The following COL18A1 variants were observed in gnomAD, a reference collection of about 807,000 sequenced individuals.
COL18A1 encodes collagen type XVIII alpha 1 chain.
Under a neutral mutation model 168.0 loss-of-function variants are expected in COL18A1, and 133 were observed. That is an observed-to-expected ratio of 0.79 (90% confidence interval 0.69 to 0.91). The LOEUF (loss-of-function observed/expected upper bound fraction) is 0.91. Ranked by LOEUF, COL18A1 falls within the 40% of genes least tolerant of loss-of-function variation. The pLI is 0.00. For missense variants in COL18A1, 2,126 were observed against 1,925.4 expected, an observed-to-expected ratio of 1.10 and a Z score of -1.95; for synonymous variants, 949 against 809.0, an observed-to-expected ratio of 1.17 and a Z score of -2.94.
At chr21:45,459,304 A>G (rs1380699102) in intron 2 of COL18A1, among the ~76,000 whole-genome samples, 1 of 151,894 alleles carries the variant, frequency 6.6e-6, no homozygotes, top group East Asian at 1.9e-4. Flanking sequence ...GAGGAGGGGG[A>G]GCCCAGCCTG....
Position 45,437,702 on chromosome 21 carries a change from ACACT to A in COL18A1, c.107-30537_107-30534del, listed in dbSNP as rs1320134521. Among the ~76,000 whole-genome samples the A allele has an allele frequency of 3.4e-4, 24 of 71,346 alleles. 4 individuals carry two copies. Among genetic ancestry groups the A allele is most frequent in the Admixed American group, 6.0e-4 (5 of 8,358 alleles). 46.8% of individuals were successfully genotyped at this position (71,346 alleles called of 152,430 possible). On this transcript the variant is annotated intron_variant, in intron 2 of 41. Coordinates refer to ENST00000651438, the MANE Select transcript of COL18A1 (RefSeq NM_001379500.1). The stretch of plus-strand genomic sequence containing the variant: ...GGCACTCTCCTGCACACACACACAC[ACACT>A]CAGACACACAGGCACTCTCCTGCAC...
chr21:45,468,991 C>T (rs1159724158), intron 3 of COL18A1, among the ~76,000 whole-genome samples: 6 of 152,314 alleles, frequency 3.9e-5, no homozygotes, highest in South Asian at 2.1e-4. Context: ...GGTTCTTGGC[C>T]GGCCTGGCTG....
chr21:45,491,013 G>T (rs1021598822), intron 21 of COL18A1, 142 bp downstream of exon 21: 19 of 920,556 alleles, frequency 2.1e-5, no homozygotes, highest in African/African-American at 1.2e-4. Flanking sequence ...GTTGACAGGG[G>T]TGGCTTTCAG....
intron 33 of COL18A1, 154 bp downstream of exon 33, chr21:45,504,208 A>G (rs556719465): frequency 2.1e-6 from 2 of 967,102 alleles, no homozygotes; most frequent in South Asian, 2.7e-5. Flanking sequence ...GGCGTCCCTC[A>G]GGATGTTCCT....
intron 2 of COL18A1, among the ~76,000 whole-genome samples, chr21:45,428,676 C>T (rs975525097): frequency 3.9e-5 from 6 of 152,080 alleles, no homozygotes; most frequent in Admixed American, 6.6e-5. Flanking sequence ...TCTGGATCGG[C>T]GGTTCTGGAC....
intron 2 of COL18A1, among the ~76,000 whole-genome samples, chr21:45,449,011 TC>T (rs2034563847): frequency 6.6e-6 from 1 of 152,208 alleles, no homozygotes; most frequent in African/African-American, 2.4e-5. Flanking sequence ...CTGTGTGTCC[TC>T]CCCGTGGCCT....
rs1267398129 is a variant in COL18A1, at chr21:45,507,406, ACAGGCTTGGAGGGG to A, written c.3217-150_3217-137del. 3.2e-5 allele frequency: 17 copies of A among 532,812 alleles called. No homozygotes were observed. In the East Asian group the frequency reaches 9.3e-4, roughly 29 times the overall value. 33.0% of individuals were successfully genotyped at this position (532,812 alleles called of 1,614,324 possible). ...TGCTGGGCAGGGAGCGTACCCTGGC[ACAGGCTTGGAGGGG>A]CAGGTGCTGGGCAGGGAGGGCACCC... is the stretch of plus-strand genomic sequence containing the variant. On this transcript the variant is annotated intron_variant, in intron 37 of 41. Transcript: ENST00000651438.
chr21:45,424,016 C>T (rs76241995), intron 2 of COL18A1: 4,963 of 152,400 alleles, frequency 0.033, 292 homozygotes, highest in East Asian at 0.19. Context: ...GTCCTGCAGA[C>T]GGAGCCGGGC....
intron 7 of COL18A1, 125 bp from the exon 8 acceptor site, chr21:45,477,625 G>T (rs572578376): frequency 8.0e-7 from 1 of 1,254,048 alleles, no homozygotes; most frequent in Non-Finnish European, 1.1e-6. Context: ...GCCAGCATGC[G>T]TCCACCCTGC....
chr21:45,505,482 T>C, intron 36 of COL18A1, 51 bp downstream of exon 36: 1 of 951,428 alleles, frequency 1.1e-6, no homozygotes, highest in South Asian at 1.4e-5. Context: ...CCCTGGCTGG[T>C]TCTGCAGCCC....
rs1023279735 is a variant in COL18A1 at position 45,504,489 on chromosome 21, G to T, written c.2801G>T (p.Gly934Val). Residue 934 changes from glycine to valine, a missense_variant, in exon 34 of 42, where the codon GGC becomes GTC. By Grantham distance (109) the Gly-to-Val change is moderately radical. Coordinates refer to ENST00000651438, the MANE Select transcript of COL18A1 (RefSeq NM_001379500.1). ...RGEPGGGGFF[G>V]SSLPGPPGPP... ...GAGCCCGGGGGCGGCGGTTTCTTCG[G>T]CTCCAGCCTGCCCGGCCCCCCCGGC... 1 of 1,578,580 alleles carries T rather than the reference G, an allele frequency of 6.3e-7. No homozygotes were observed. The highest frequency in any genetic ancestry group is 8.6e-7 in the Non-Finnish European group (1 of 1,169,116).
rs774411955 is a variant in COL18A1 at position 45,477,954 on chromosome 21, G to A, written c.1210G>A (p.Asp404Asn). 1.3e-6 allele frequency: 2 copies of A among 1,530,580 alleles called. No individual in the cohort carries two copies. The highest frequency in any genetic ancestry group is 1.8e-6 in the Non-Finnish European group (2 of 1,127,638). 94.8% of individuals were successfully genotyped at this position (1,530,580 alleles called of 1,614,324 possible). A position where few individuals can be genotyped will look rare whatever the true frequency, so the allele number is the denominator to read the frequency against. Residue 404 changes from aspartate (D) to asparagine (N), a missense_variant, in exon 8 of 42, where the codon GAC becomes AAC. Transcript: ENST00000651438. Reference protein sequence around the residue: ...PPGRDGTPGRDGEPGDPGEDG... With the variant: ...PPGRDGTPGRNGEPGDPGEDG... ...GGGGAGGGACGGCACCCCTGGAAGG[G>A]ACGGCGAGCCGGTGAGTCCTCACGT...
chr21:45,481,638 T>C (rs2035898906), intron 13 of COL18A1, among the ~76,000 whole-genome samples: 2 of 152,250 alleles, frequency 1.3e-5, no homozygotes, highest in Non-Finnish European at 1.5e-5. Context: ...GAATTTGGGC[T>C]TAAAGAACAT....
intron 32 of COL18A1, chr21:45,497,947 G>A (rs2036597819): frequency 1.7e-6 from 1 of 604,344 alleles, no homozygotes; most frequent in Non-Finnish European, 2.9e-6. Flanking sequence ...GCACTGCGCA[G>A]AGACACAGCA....
At chr21:45,456,042 G>T in intron 2 of COL18A1, 1 of 1,608,408 alleles carries the variant, frequency 6.2e-7, no homozygotes, top group Middle Eastern at 1.7e-4. Context: ...CTCTGGCCCA[G>T]CCGTGGCATT....
At chr21:45,509,721 T>G in intron 39 of COL18A1, 120 bp downstream of exon 39, 1 of 740,296 alleles carries the variant, frequency 1.4e-6, no homozygotes, top group East Asian at 2.7e-5. Flanking sequence ...GGTGGGGGTC[T>G]GGCGGCTCAG....
Position 45,496,531 on chromosome 21 carries a change from C to T in COL18A1, c.2540C>T (p.Pro847Leu), listed in dbSNP as rs746525266. 3 of 1,535,332 alleles carry T rather than the reference C, an allele frequency of 2.0e-6. No homozygotes were observed. The highest frequency in any genetic ancestry group is 2.2e-5 in the South Asian group (2 of 89,550). The change falls in exon 30 of 42, where the codon CCC becomes CTC. Residue 847 changes from proline (P) to leucine (L), a missense_variant. Transcript: ENST00000651438. Reference sequence around the variant, plus strand: ...CCCGGCCCCCCAGGACCTCCAGGGCCCCCAGGCCCTCCAGGGACTCCTGTT... The same window carrying T: ...CCCGGCCCCCCAGGACCTCCAGGGCTCCCAGGCCCTCCAGGGACTCCTGTT... ...GMPGPPGPPG[P>L]PGPPGTPVYD...
intron 2 of COL18A1, among the ~76,000 whole-genome samples, chr21:45,412,949 G>A (rs1171777677): frequency 1.3e-5 from 2 of 152,346 alleles, no homozygotes; most frequent in East Asian, 3.9e-4. Context: ...CCCTGAGTGT[G>A]TGTGGCCACG....
intron 2 of COL18A1, among the ~76,000 whole-genome samples, chr21:45,405,764 G>A (rs986389081): frequency 6.6e-6 from 1 of 151,236 alleles, no homozygotes; most frequent in African/African-American, 2.4e-5. Context: ...GTCGGTGCCG[G>A]GAGGGCTCGG....
Sources: gnomAD v4.1 joint callset for allele counts (sites outside exome capture counted in the v4.1 genomes callset) on GRCh38, gnomAD v4.1.1 for gene constraint, MANE v1.5 for transcripts, NCBI Gene and HGNC (gene_info 2026-07-23, HGNC 2026-07-21) for gene names.